PLXNA4: variants seen among roughly 807,000 people sequenced by gnomAD.
PLXNA4 encodes the protein plexin A4, also known as plexin-A4.
In PLXNA4, 44 loss-of-function variants were observed where a neutral mutation model predicts 191.8. That is an observed-to-expected ratio of 0.23 (90% confidence interval 0.18 to 0.29). PLXNA4 has a LOEUF of 0.29. PLXNA4 is among the 10% of genes least tolerant of loss of function. The pLI is 1.00. For missense variants in PLXNA4, 1,800 were observed against 2,488.8 expected (o/e 0.72, Z 5.89); for synonymous variants, 1,082 against 1,009.5 (o/e 1.07, Z -1.36).
chr7:132,150,596 C>T (rs896971725), intron 25 of PLXNA4, among the ~76,000 whole-genome samples: 1 of 152,220 alleles, frequency 6.6e-6, no homozygotes, highest in African/African-American at 2.4e-5. Flanking sequence ...CAGCTCTGGA[C>T]ACTAAGTCCT....
At chr7:132,194,338 C>T (rs570996558) in intron 13 of PLXNA4, among the ~76,000 whole-genome samples, 159 bp from the exon 14 acceptor site, 1 of 152,314 alleles carries the variant, frequency 6.6e-6, no homozygotes, top group Admixed American at 6.5e-5. Context: ...CTAGCAGGGG[C>T]TTCTCCTTAA....
intron 3 of PLXNA4, among the ~76,000 whole-genome samples, chr7:132,301,636 A>C (rs546776076): frequency 6.6e-6 from 1 of 152,302 alleles, no homozygotes; most frequent in Non-Finnish European, 1.5e-5. Flanking sequence ...ACTATTGTTT[A>C]TGTAAACCTG....
intron 3 of PLXNA4, among the ~76,000 whole-genome samples, chr7:132,423,101 T>A (rs1794907444): frequency 6.6e-6 from 1 of 152,182 alleles, no homozygotes; most frequent in African/African-American, 2.4e-5. Flanking sequence ...ACCGTGTTCA[T>A]CCTCTCCAGC....
chr7:132,317,427 G>T (rs1801988919), intron 3 of PLXNA4, among the ~76,000 whole-genome samples: 1 of 151,974 alleles, frequency 6.6e-6, no homozygotes, highest in Non-Finnish European at 1.5e-5. Flanking sequence ...ATTGGATTGG[G>T]TTGTGTTGGA....
intron 20 of PLXNA4, among the ~76,000 whole-genome samples, chr7:132,176,763 T>G (rs1796479085): frequency 6.6e-6 from 1 of 151,944 alleles, no homozygotes. Flanking sequence ...TGCGTGGGTG[T>G]GAGTGCATGA....
intron 3 of PLXNA4, among the ~76,000 whole-genome samples, chr7:132,334,252 C>CTTTTTTTTTTTTT (rs71529758): frequency 8.7e-4 from 66 of 75,600 alleles, no homozygotes; most frequent in Non-Finnish European, 1.1e-3. Flanking sequence ...TTCTTTCTTT[C>CTTTTTTTTTTTTT]TTTTTTTTTT....
At chr7:132,577,524 C>G (rs550449023), upstream of PLXNA4, among the ~76,000 whole-genome samples, 104 of 151,980 alleles carry the variant, frequency 6.8e-4, no homozygotes, top group African/African-American at 2.3e-3. Context: ...GGAGAGCGGC[C>G]GGCAGAGGGG....
chr7:132,320,955 C>A (rs1802137928), intron 3 of PLXNA4, among the ~76,000 whole-genome samples: 1 of 152,174 alleles, frequency 6.6e-6, no homozygotes, highest in Non-Finnish European at 1.5e-5. Flanking sequence ...CAAGTTCCAG[C>A]CACTGACTAT....
At chr7:132,562,353 CCTCCTCCTCCTCTGCCTCCTCCTCCTT>C (rs1379616602) in intron 1 of PLXNA4, among the ~76,000 whole-genome samples, 7 of 106,752 alleles carry the variant, frequency 6.6e-5, no homozygotes, top group Non-Finnish European at 1.5e-4. Context: ...TCTTCTCCTT[CCTCCTCCTCCTCTGCCTCCTCCTCCTT>C]CTCCTCCTCC....
chr7:132,328,838 C>T (rs1366711829), intron 3 of PLXNA4, among the ~76,000 whole-genome samples: 4 of 152,166 alleles, frequency 2.6e-5, no homozygotes, highest in Non-Finnish European at 5.9e-5. Flanking sequence ...TCCTGTCCTG[C>T]TCATGGCAAC....
chr7:132,557,549 T>TAAAAA (rs113064440), intron 1 of PLXNA4, among the ~76,000 whole-genome samples: 4 of 148,234 alleles, frequency 2.7e-5, no homozygotes, highest in African/African-American at 7.4e-5. Context: ...ATCTTTTTTT[T>TAAAAA]AAAAAAAAAA....
At chr7:132,639,030 T>G (rs1803664329) in intron 2 of PLXNA4, among the ~76,000 whole-genome samples, 1 of 152,178 alleles carries the variant, frequency 6.6e-6, no homozygotes. Flanking sequence ...CATGGTGCTC[T>G]AGGGGTTGGC....
chr7:132,431,325 C>A (rs1795251564), intron 3 of PLXNA4, among the ~76,000 whole-genome samples: 1 of 152,118 alleles, frequency 6.6e-6, no homozygotes, highest in Non-Finnish European at 1.5e-5. Flanking sequence ...CACCTCCCCT[C>A]TCCCCCTCCC....
rs777605424 is a variant in PLXNA4 at position 132,576,277 on chromosome 7, C to G, written c.-87+145G>C. ...GAGCGCCGTGTGTGCCGGTGTGGAT[C>G]TGTGTGTGTGCCTGCGTGTGTGCGT... is the stretch of plus-strand genomic sequence containing the variant. On this transcript the variant is annotated intron_variant, in intron 1 of 31. Transcript: ENST00000321063. The surrounding 1 kb of genome is among the most constrained non-coding windows in gnomAD (Gnocchi z 5.8). 8 of 550,056 alleles carry G rather than the reference C, an allele frequency of 1.5e-5. No homozygotes were observed. Among genetic ancestry groups the G allele is most frequent in the Non-Finnish European group, 1.9e-5 (8 of 432,242 alleles). 34.1% of individuals were successfully genotyped at this position (550,056 alleles called of 1,614,324 possible).
chr7:132,315,883 G>A (rs901470190), intron 3 of PLXNA4, among the ~76,000 whole-genome samples: 6 of 152,182 alleles, frequency 3.9e-5, no homozygotes, highest in Non-Finnish European at 8.8e-5. Flanking sequence ...GCTGTGGTCA[G>A]GGCATATGAC....
chr7:132,465,970 T>C (rs1374945277), intron 3 of PLXNA4, among the ~76,000 whole-genome samples: 2 of 152,016 alleles, frequency 1.3e-5, no homozygotes, highest in African/African-American at 2.4e-5. Context: ...CAAAAGCACA[T>C]GGGCAACACA....
intron 6 of PLXNA4, 91 bp downstream of exon 6, chr7:132,228,255 C>A: frequency 6.4e-7 from 1 of 1,560,082 alleles, no homozygotes; most frequent in Non-Finnish European, 8.7e-7. Context: ...TGGCCCAGTC[C>A]TCCAGAGGGG....
At chr7:132,547,463 T>C (rs1395650732) in intron 1 of PLXNA4, among the ~76,000 whole-genome samples, 1 of 152,186 alleles carries the variant, frequency 6.6e-6, no homozygotes, top group Non-Finnish European at 1.5e-5. Flanking sequence ...ATCCCCTCCA[T>C]GCCAATGTGG....
intron 1 of PLXNA4, among the ~76,000 whole-genome samples, chr7:132,515,153 G>A (rs576584110): frequency 2.6e-5 from 4 of 152,298 alleles, no homozygotes; most frequent in East Asian, 1.9e-4. Flanking sequence ...TCCACCAGAT[G>A]TAACCTTGGA....
Sources: allele counts gnomAD v4.1 joint callset (sites outside exome capture counted in the v4.1 genomes callset), GRCh38; gene constraint gnomAD v4.1.1; non-coding constraint Gnocchi (gnomAD v3.1); transcripts MANE v1.5; gene names NCBI Gene and HGNC (gene_info 2026-07-23, HGNC 2026-07-21).